PKN2: variants seen among roughly 807,000 people sequenced by gnomAD.
PKN2 encodes the protein protein kinase N2.
PKN2 carries 38 observed loss-of-function variants against 119.1 expected under a neutral mutation model. The ratio of observed to expected loss-of-function variants is 0.32; its 90% confidence interval spans 0.25 to 0.42. The LOEUF (loss-of-function observed/expected upper bound fraction) is 0.42, where lower values mean the gene tolerates loss of function less well. Among genes scored for constraint, PKN2 ranks in the 10% least tolerant of loss-of-function variants. The probability of loss-of-function intolerance (pLI) is 1.00; values close to 1 mark genes in which losing one functional copy is unlikely to be tolerated. For synonymous variants in PKN2, 390 were observed against 384.9 expected (o/e 1.01, Z -0.15); for missense variants, 850 against 1,165.1 (o/e 0.73, Z 3.94).
chr1:88,832,749 CT>C lies in PKN2; in HGVS notation c.2571del (p.Pro858LeufsTer13). 6.3e-7 allele frequency: 1 copy of C among 1,581,734 alleles called. No homozygotes were observed. Among genetic ancestry groups the C allele is most frequent in the Non-Finnish European group, 8.6e-7 (1 of 1,156,984 alleles). ...IYEMLVGESP[F>X]PGDDEEEVFD... ...CTCAAAGGTATTTCTTCTAGTCTCC[CT>C]TTCCTGGTGATGATGAAGAGGAAGT... On this transcript the variant is annotated frameshift_variant, in exon 20 of 22. Coordinates refer to ENST00000370521, the MANE Select transcript of PKN2 (RefSeq NM_006256.4). LOFTEE classifies it high-confidence loss of function.
At chr1:88,797,426 G>C (rs962218730) in intron 8 of PKN2, among the ~76,000 whole-genome samples, 1 of 150,594 alleles carries the variant, frequency 6.6e-6, no homozygotes, top group African/African-American at 2.4e-5. Flanking sequence ...GGCGGATCAC[G>C]AGGTCAAGAG....
At chr1:88,772,865 C>T (rs1487863631) in intron 6 of PKN2, among the ~76,000 whole-genome samples, 1 of 151,962 alleles carries the variant, frequency 6.6e-6, no homozygotes, top group South Asian at 2.1e-4. Flanking sequence ...CTTCTTTGAT[C>T]GTGTTCTAAT....
intron 2 of PKN2, among the ~76,000 whole-genome samples, chr1:88,754,818 C>T (rs1669137774): frequency 6.6e-6 from 1 of 152,096 alleles, no homozygotes; most frequent in African/African-American, 2.4e-5. Flanking sequence ...TCTACTGTAA[C>T]CCAGACATGC....
At chr1:88,810,855 C>T (rs1217555987) in intron 15 of PKN2, among the ~76,000 whole-genome samples, 1 of 152,168 alleles carries the variant, frequency 6.6e-6, no homozygotes, top group Non-Finnish European at 1.5e-5. Flanking sequence ...GATCCACCCG[C>T]CTCAGCCTCC....
intron 1 of PKN2, among the ~76,000 whole-genome samples, chr1:88,716,942 C>T (rs1183391392): frequency 2.0e-5 from 3 of 152,166 alleles, no homozygotes; most frequent in Non-Finnish European, 4.4e-5. Context: ...CCAGTTGTTC[C>T]TTTCCATGTT....
At chr1:88,829,408 C>G (rs1184065825) in intron 19 of PKN2, 1 of 277,712 alleles carries the variant, frequency 3.6e-6, no homozygotes, top group East Asian at 7.4e-5. Flanking sequence ...TGTGAACTTC[C>G]TAGATTGTTA....
At chr1:88,799,934 T>A (rs767288453) in intron 8 of PKN2, among the ~76,000 whole-genome samples, 1 of 152,238 alleles carries the variant, frequency 6.6e-6, no homozygotes, top group African/African-American at 2.4e-5. Flanking sequence ...CAGAGGCACA[T>A]TGAAGACCAA....
intron 1 of PKN2, among the ~76,000 whole-genome samples, chr1:88,707,302 A>T (rs977249135): frequency 6.6e-6 from 1 of 152,100 alleles, no homozygotes; most frequent in African/African-American, 2.4e-5. Flanking sequence ...AATGTGGCAG[A>T]TGAAGTCTTA....
chr1:88,805,103 TCA>T (rs1389789195), intron 10 of PKN2, among the ~76,000 whole-genome samples, 182 bp downstream of exon 10: 1 of 152,166 alleles, frequency 6.6e-6, no homozygotes, highest in Non-Finnish European at 1.5e-5. Context: ...AAATGTACAG[TCA>T]CCCGGCTTCA....
chr1:88,817,295 A>G (rs1672034975), intron 16 of PKN2, among the ~76,000 whole-genome samples: 2 of 152,114 alleles, frequency 1.3e-5, no homozygotes, highest in Admixed American at 1.3e-4. Context: ...CCAATGACAA[A>G]AACTACATGA....
chr1:88,724,190 A>G (rs1251317742), intron 1 of PKN2, among the ~76,000 whole-genome samples: 1 of 152,216 alleles, frequency 6.6e-6, no homozygotes, highest in African/African-American at 2.4e-5. Flanking sequence ...TTAAATAACT[A>G]TTAAGTGTTA....
chr1:88,689,121 G>A (rs936802785), intron 1 of PKN2, among the ~76,000 whole-genome samples: 1 of 152,148 alleles, frequency 6.6e-6, no homozygotes, highest in East Asian at 1.9e-4. Context: ...TGGTTTGGGG[G>A]TTGGTGGTAT....
chr1:88,744,681 A>G (rs184839991), intron 2 of PKN2, among the ~76,000 whole-genome samples: 203 of 152,330 alleles, frequency 1.3e-3, no homozygotes, highest in African/African-American at 4.6e-3. Context: ...TCGGCTTCCC[A>G]AAGTGCTGGG....
intron 1 of PKN2, among the ~76,000 whole-genome samples, chr1:88,691,453 T>C (rs1189898059): frequency 1.3e-5 from 2 of 152,190 alleles, no homozygotes; most frequent in African/African-American, 4.8e-5. Flanking sequence ...GTGTTTGTTC[T>C]CCATTTCAGA....
chr1:88,758,131 AT>A (rs1042228704), intron 2 of PKN2, among the ~76,000 whole-genome samples: 2 of 146,372 alleles, frequency 1.4e-5, no homozygotes, highest in East Asian at 2.0e-4. Context: ...TTATTTATTT[AT>A]TTTTGCAAAA....
Position 88,741,018 on chromosome 1 carries a change from A to G in PKN2, c.79A>G (p.Asn27Asp). 3 of 1,576,324 alleles carry G rather than the reference A, an allele frequency of 1.9e-6. No individual in the cohort carries two copies. Among genetic ancestry groups the G allele is most frequent in the South Asian group, 1.2e-5 (1 of 84,128 alleles). Residue 27 changes from asparagine (N) to aspartate (D), a missense_variant, in exon 2 of 22, where the codon AAT becomes GAT. By Grantham distance (23) the Asn-to-Asp change is conservative. Coordinates refer to ENST00000370521, the MANE Select transcript of PKN2 (RefSeq NM_006256.4). The stretch of plus-strand genomic sequence containing the variant: ...TTCCCGAAGTCTTCCGTTTTCTGAG[A>G]ATGTGAGTGCTGTTCAAAAATTAGA... ...GDSRSLPFSENVSAVQKLDFS... is the reference protein window; with the variant it reads ...GDSRSLPFSEDVSAVQKLDFS...
chr1:88,713,555 G>T (rs111343301), intron 1 of PKN2, among the ~76,000 whole-genome samples: 3,191 of 152,130 alleles, frequency 0.021, 69 homozygotes, highest in South Asian at 0.07. Context: ...TCATGTGTCC[G>T]TTGCCTGCAT....
rs912854377 is a variant in PKN2, at chr1:88,813,538, A to G, written c.2103-19A>G. 2.0e-6 allele frequency: 3 copies of G among 1,487,214 alleles called. No individual in the cohort carries two copies. The African/African-American group carries it at 4.3e-5, about 21-fold the overall frequency. The allele number at this position is 1,487,214 out of a possible 1,614,324, so 92.1% of individuals were successfully genotyped here. On this transcript the variant is annotated intron_variant, in intron 15 of 21. Coordinates refer to ENST00000370521, the MANE Select transcript of PKN2 (RefSeq NM_006256.4). Reference sequence around the variant, plus strand: ...GAATTATTTTTAATCTGCTTATTTTAAAATATTTTCTTTTACAGCCTGATG... The same window carrying G: ...GAATTATTTTTAATCTGCTTATTTTGAAATATTTTCTTTTACAGCCTGATG...
At chr1:88,739,728 A>T (rs1436129546) in intron 1 of PKN2, among the ~76,000 whole-genome samples, 1 of 152,234 alleles carries the variant, frequency 6.6e-6, no homozygotes, top group Non-Finnish European at 1.5e-5. Flanking sequence ...TTGAAACAGT[A>T]AATGATATAG....
Sources: allele counts gnomAD v4.1 joint callset (sites outside exome capture counted in the v4.1 genomes callset), GRCh38; gene constraint gnomAD v4.1.1; transcripts MANE v1.5; gene names NCBI Gene and HGNC (gene_info 2026-07-23, HGNC 2026-07-21).